The following INSYN1 variants were observed in gnomAD, a reference collection of about 807,000 sequenced individuals.
INSYN1 encodes the protein UPF0583 protein C15orf59.
INSYN1 carries 7 observed loss-of-function variants against 17.1 expected under a neutral mutation model. The ratio of observed to expected loss-of-function variants is 0.41; its 90% CI spans 0.23 to 0.77. INSYN1 has a LOEUF of 0.77. Ranked by LOEUF, INSYN1 falls within the 30% of genes least tolerant of loss-of-function variation. The pLI, the probability that INSYN1 is intolerant of heterozygous loss-of-function variation, is 0.32. For synonymous variants in INSYN1, 174 were observed against 166.3 expected (o/e 1.05, Z -0.36); for missense variants, 339 against 400.6 (o/e 0.85, Z 1.31).
At chr15:73,743,509 C>G (rs1216827050) in intron 2 of INSYN1, among the ~76,000 whole-genome samples, 1 of 152,184 alleles carries the variant, frequency 6.6e-6, no homozygotes, top group South Asian at 2.1e-4. Context: ...CCCCTCCTCA[C>G]CCAGGGTGAT....
At position 73,740,053 on chromosome 15, in the gene INSYN1, T is replaced by A. The variant is rs765417331; in HGVS notation, c.746A>T (p.His249Leu). The A allele has an allele frequency of 7.4e-6, 12 of 1,613,332 alleles. No individual in the cohort carries two copies. The highest frequency in any genetic ancestry group is 4.5e-5 in the East Asian group (2 of 44,844). ...TTCAGGGGCCAAGGTAGAGCCTGAG[T>A]GGCGGCTGGTCAGTGGAGAGCGCCG... ...KSRRSPLTSRHSGSTLAPEQT... is the reference protein window; with the variant it reads ...KSRRSPLTSRLSGSTLAPEQT... Residue 249 changes from histidine (H) to leucine (L), a missense_variant, in exon 3 of 3, where the codon CAC becomes CTC. His to Leu is a moderately conservative substitution (Grantham distance 99, BLOSUM62 -3). Coordinates refer to ENST00000569673, the MANE Select transcript of INSYN1 (RefSeq NM_001039614.3).
rs1005681219 is a variant in INSYN1, at chr15:73,735,811, TG to T, written c.*4105del. 6.6e-6 allele frequency: 1 copy of T among 152,274 alleles called. No homozygotes were observed. Among genetic ancestry groups the T allele is most frequent in the Admixed American group, 6.5e-5 (1 of 15,278 alleles). 9.4% of individuals were successfully genotyped at this position (152,274 alleles called of 1,614,324 possible). The stretch of plus-strand genomic sequence containing the variant: ...TTCCCAGAGCCTCAGTTTCCTCATC[TG>T]GAAGCTACTTAGACATAAGTAAGAT... On this transcript the variant is annotated 3_prime_UTR_variant, in exon 3 of 3. Coordinates refer to ENST00000569673, the MANE Select transcript of INSYN1 (RefSeq NM_001039614.3).
Position 73,740,463 on chromosome 15 carries a change from G to C in INSYN1, c.336C>G (p.Phe112Leu). ...GGGTAGAGACGTCCAGGAAGGAGCA[G>C]AACTCCCAGCTGTCTGAGAGGATAT... ...TADILSDSWE[F>L]CSFLDVSTPS... The change falls in exon 3 of 3, where the codon TTC (phenylalanine) becomes TTG (leucine). Residue 112 changes from phenylalanine to leucine, a missense_variant. By Grantham distance (22) the Phe-to-Leu change is conservative. Coordinates refer to ENST00000569673, the MANE Select transcript of INSYN1 (RefSeq NM_001039614.3). 1.2e-6 allele frequency: 2 copies of C among 1,613,960 alleles called. No individual in the cohort carries two copies. The highest frequency in any genetic ancestry group is 1.7e-5 in the Admixed American group (1 of 60,028).
At position 73,748,696 on chromosome 15, in the gene INSYN1, C is replaced by G. The variant is rs547018654; in HGVS notation, c.156+2279G>C. 2.0e-5 allele frequency among the ~76,000 whole-genome samples: 3 copies of G among 152,340 alleles called. No homozygotes were observed. In the South Asian group the frequency reaches 6.2e-4, roughly 32 times the overall value. ...TCTCCAAACCGGGGTCTGGCACCCC[C>G]CCTTGGTAACCCCATCCCTGGCAAA... On this transcript the variant is annotated intron_variant, in intron 2 of 2. Transcript: ENST00000569673.
At chr15:73,743,732 A>C (rs1382764502) in intron 2 of INSYN1, among the ~76,000 whole-genome samples, 4 of 145,794 alleles carry the variant, frequency 2.7e-5, no homozygotes, top group Non-Finnish European at 6.0e-5. Context: ...CGGGAGGCTG[A>C]GGCAGAGGAA....
At chr15:73,745,201 G>C (rs1025324996) in intron 2 of INSYN1, among the ~76,000 whole-genome samples, 2 of 151,920 alleles carry the variant, frequency 1.3e-5, no homozygotes, top group African/African-American at 4.8e-5. Context: ...TGTGCTTCCA[G>C]CCCTTCCATA....
At chr15:73,746,952 G>C (rs1299465552) in intron 2 of INSYN1, among the ~76,000 whole-genome samples, 1 of 152,170 alleles carries the variant, frequency 6.6e-6, no homozygotes, top group Admixed American at 6.5e-5. Context: ...ATGACCAGCA[G>C]ATTCCTGGAG....
intron 2 of INSYN1, among the ~76,000 whole-genome samples, chr15:73,748,896 G>T (rs1901905887): frequency 6.6e-6 from 1 of 152,144 alleles, no homozygotes; most frequent in Admixed American, 6.5e-5. Context: ...ATTGGCAGCG[G>T]GCAGGCAGTG....
chr15:73,740,591 G>A lies in INSYN1; in HGVS notation c.208C>T (p.Pro70Ser), dbSNP rs1210435676. 1.2e-6 allele frequency: 2 copies of A among 1,613,782 alleles called. No individual in the cohort carries two copies. Among genetic ancestry groups the A allele is most frequent in the African/African-American group, 2.7e-5 (2 of 74,910 alleles). ...LTSDFDFELE[P>S]DDWTTATVSS... is the part of the protein sequence containing the mutation. ...ACAGTGGCCGTGGTCCAGTCGTCCGGCTCCAGTTCAAAGTCGAAGTCCGAG... is the reference window on the plus strand; with the variant it reads ...ACAGTGGCCGTGGTCCAGTCGTCCGACTCCAGTTCAAAGTCGAAGTCCGAG... The change falls in exon 3 of 3, where the codon CCG becomes TCG. Residue 70 changes from proline (P) to serine (S), a missense_variant. Pro to Ser is a moderately conservative substitution (Grantham distance 74). Coordinates refer to ENST00000569673, the MANE Select transcript of INSYN1 (RefSeq NM_001039614.3).
In INSYN1 at chr15:73,753,190, C is replaced by T. The variant is rs1167215161; in HGVS notation, c.-1648G>A. Among the ~76,000 whole-genome samples, 1 of 145,678 alleles carries T rather than the reference C, an allele frequency of 6.9e-6. No individual in the cohort carries two copies. The highest frequency in any genetic ancestry group is 1.5e-5 in the Non-Finnish European group (1 of 65,578). On this transcript the variant is annotated 5_prime_UTR_variant, in exon 1 of 3. Transcript: ENST00000569673. The surrounding 1 kb of genome is among the most constrained non-coding windows in gnomAD (Gnocchi z 4.2). The stretch of plus-strand genomic sequence containing the variant: ...CCCGCCGGGCTCCCGGGGCCTGGGC[C>T]CGCTCCCCAAGCGCCGCGGCGCCGC...
rs1181485099 is a variant in INSYN1, at chr15:73,751,069, TCAC to T, written c.59_61del (p.Gly20del). The T allele has an allele frequency of 6.2e-7, 1 of 1,614,024 alleles. No homozygotes were observed. The highest frequency in any genetic ancestry group is 8.5e-7 in the Non-Finnish European group (1 of 1,180,020). Reference sequence around the variant, plus strand: ...CATGCGCTGTCGAATCCGCTCCCGCTCACCACCACTGCTGGGGTCGTCACTGGG... The same window carrying T: ...CATGCGCTGTCGAATCCGCTCCCGCTCACCACTGCTGGGGTCGTCACTGGG... On this transcript the variant is annotated inframe_deletion, in exon 2 of 3. Coordinates refer to ENST00000569673, the MANE Select transcript of INSYN1 (RefSeq NM_001039614.3).
intron 2 of INSYN1, among the ~76,000 whole-genome samples, chr15:73,747,206 G>C (rs1901858943): frequency 6.6e-6 from 1 of 152,180 alleles, no homozygotes; most frequent in African/African-American, 2.4e-5. Flanking sequence ...CATGTGACTT[G>C]TATCCTCACT....
At chr15:73,750,824 G>A (rs1420225388) in intron 2 of INSYN1, 151 bp downstream of exon 2, 4 of 885,806 alleles carry the variant, frequency 4.5e-6, no homozygotes, top group Non-Finnish European at 7.1e-6. Flanking sequence ...CAGATTTGCG[G>A]AAAGGAGAGC....
Position 73,752,880 on chromosome 15 carries a change from G to T in INSYN1, c.-1338C>A. The T allele has an allele frequency of 6.6e-6, 1 of 150,994 alleles. No individual in the cohort carries two copies. Among genetic ancestry groups the T allele is most frequent in the South Asian group, 2.1e-4 (1 of 4,856 alleles). 9.4% of individuals were successfully genotyped at this position (150,994 alleles called of 1,614,324 possible). A position where few individuals can be genotyped will look rare whatever the true frequency, so the allele number is the denominator to read the frequency against. On this transcript the variant is annotated 5_prime_UTR_variant, in exon 1 of 3. Coordinates refer to ENST00000569673, the MANE Select transcript of INSYN1 (RefSeq NM_001039614.3). This position sits in a 1 kb window ranked among gnomAD's most constrained non-coding sequence, Gnocchi z 5.2. ...GGGCCCCGGCCGGGCTGGGTTCGGC[G>T]GCCCGGGCGCAGGCGGGAGCAGCGC...
chr15:73,743,539 G>T (rs1049764862), intron 2 of INSYN1, among the ~76,000 whole-genome samples: 15 of 152,210 alleles, frequency 9.9e-5, no homozygotes, highest in African/African-American at 3.4e-4. Context: ...ACAGATATGG[G>T]CCGGGTGTGG....
rs1365848899 is a variant in INSYN1 at position 73,740,586 on chromosome 15, G to A, written c.213C>T (p.Asp71=). 22 of 1,613,816 alleles carry A rather than the reference G, an allele frequency of 1.4e-5. No individual in the cohort carries two copies. The highest frequency in any genetic ancestry group is 2.2e-5 in the South Asian group (2 of 91,054). The part of the protein sequence containing the change: ...TSDFDFELEP[D]DWTTATVSST... Reference sequence around the variant, plus strand: ...TGCTCACAGTGGCCGTGGTCCAGTCGTCCGGCTCCAGTTCAAAGTCGAAGT... The same window carrying A: ...TGCTCACAGTGGCCGTGGTCCAGTCATCCGGCTCCAGTTCAAAGTCGAAGT... The change falls in exon 3 of 3, where the codon GAC becomes GAT. Residue 71 remains aspartate (D), a synonymous_variant. Coordinates refer to ENST00000569673, the MANE Select transcript of INSYN1 (RefSeq NM_001039614.3).
chr15:73,746,182 G>A (rs185491737), intron 2 of INSYN1, among the ~76,000 whole-genome samples: 28 of 151,946 alleles, frequency 1.8e-4, no homozygotes, highest in Admixed American at 1.2e-3. Context: ...CTGTGATTAC[G>A]TTATTATCTT....
intron 2 of INSYN1, among the ~76,000 whole-genome samples, chr15:73,746,600 G>T (rs184011749): frequency 5.4e-4 from 82 of 152,252 alleles, no homozygotes; most frequent in African/African-American, 1.3e-3. Context: ...ATCCGGTGGG[G>T]GATCCTCCAC....
intron 2 of INSYN1, among the ~76,000 whole-genome samples, chr15:73,748,516 G>A (rs1901896970): frequency 6.6e-6 from 1 of 152,148 alleles, no homozygotes; most frequent in Non-Finnish European, 1.5e-5. Context: ...GGGAACAAGT[G>A]AGTGCCTCTC....
Sources: gnomAD v4.1 joint callset for allele counts (sites outside exome capture counted in the v4.1 genomes callset) on GRCh38, gnomAD v4.1.1 for gene constraint, Gnocchi (gnomAD v3.1) non-coding constraint, MANE v1.5 for transcripts, NCBI Gene and HGNC (gene_info 2026-07-23, HGNC 2026-07-21) for gene names.